Variants in OSBP2 observed in about 807,000 individuals in gnomAD.
The protein encoded by OSBP2 is oxysterol-binding protein 2.
In OSBP2, 66 loss-of-function variants were observed where a neutral mutation model predicts 96.0. The ratio of observed to expected loss-of-function variants is 0.69; its 90% CI spans 0.56 to 0.84. OSBP2 has a LOEUF of 0.84. Among genes scored for constraint, OSBP2 ranks in the 40% least tolerant of loss-of-function variants. The probability of loss-of-function intolerance (pLI) is 0.00; values close to 1 mark genes in which losing one functional copy is unlikely to be tolerated. For missense variants in OSBP2, 1,038 were observed against 1,222.7 expected, an observed-to-expected ratio of 0.85 and a Z score of 2.25; for synonymous variants, 525 against 520.9, an observed-to-expected ratio of 1.01 and a Z score of -0.11.
At chr22:30,813,999 A>T (rs139461805) in intron 2 of OSBP2, among the ~76,000 whole-genome samples, 2,747 of 151,952 alleles carry the variant, frequency 0.018, 78 homozygotes, top group African/African-American at 0.06. Context: ...ATGGGGTTTC[A>T]CTATGTTGAC....
intron 1 of OSBP2, among the ~76,000 whole-genome samples, chr22:30,701,375 G>A (rs1214382825): frequency 7.9e-5 from 10 of 126,328 alleles, no homozygotes; most frequent in Admixed American, 1.1e-4. Context: ...ACAGAGTCTC[G>A]CTCTGTAGCC....
At chr22:30,712,779 C>T (rs1343895985) in intron 1 of OSBP2, among the ~76,000 whole-genome samples, 2 of 152,148 alleles carry the variant, frequency 1.3e-5, no homozygotes, top group African/African-American at 4.8e-5. Flanking sequence ...TCATTATGGA[C>T]ATAACCTCAG....
At chr22:30,693,972 A>G, upstream of OSBP2, 2 of 761,800 alleles carry the variant, frequency 2.6e-6, no homozygotes, top group Non-Finnish European at 3.5e-6. Context: ...CTCAAAAAGG[A>G]AAAAAAAAAA....
intron 1 of OSBP2, among the ~76,000 whole-genome samples, chr22:30,728,757 A>G (rs1282656530): frequency 2.6e-5 from 4 of 152,190 alleles, no homozygotes; most frequent in Admixed American, 2.0e-4. Context: ...ATGGTCTCCC[A>G]AAGTGTTGGG....
At chr22:30,874,368 C>T (rs538221686) in intron 3 of OSBP2, among the ~76,000 whole-genome samples, 138 of 151,984 alleles carry the variant, frequency 9.1e-4, no homozygotes, top group Non-Finnish European at 1.8e-3. Flanking sequence ...GCCAAGATCA[C>T]GCCACTGCAC....
chr22:30,883,365 A>G (rs563047935), intron 3 of OSBP2, among the ~76,000 whole-genome samples: 4 of 152,346 alleles, frequency 2.6e-5, no homozygotes, highest in Admixed American at 2.0e-4. Flanking sequence ...CCCGGGATGC[A>G]GGGGACTTCC....
chr22:30,871,394 G>A lies in OSBP2; in HGVS notation c.1107+712G>A, dbSNP rs1445665331. Reference sequence around the variant, plus strand: ...TGGGGAGTGTTCCCCAGAAGTGTGCGTGCTCCTCCAGGCCTCCACCCTCCA... The same window carrying A: ...TGGGGAGTGTTCCCCAGAAGTGTGCATGCTCCTCCAGGCCTCCACCCTCCA... On this transcript the variant is annotated intron_variant, in intron 3 of 13. Transcript: ENST00000332585. This position sits in a 1 kb window ranked among gnomAD's most constrained non-coding sequence, Gnocchi z 4.7. Among the ~76,000 whole-genome samples, 1 of 152,044 alleles carries A rather than the reference G, an allele frequency of 6.6e-6. No homozygotes were observed. The highest frequency in any genetic ancestry group is 2.4e-5 in the African/African-American group (1 of 41,384).
intron 2 of OSBP2, among the ~76,000 whole-genome samples, chr22:30,776,478 C>T (rs1462051081): frequency 4.6e-5 from 7 of 152,218 alleles, no homozygotes. Flanking sequence ...ATACAGTGTA[C>T]TTCGCTGAAA....
At chr22:30,721,432 A>G (rs1343046146) in intron 1 of OSBP2, among the ~76,000 whole-genome samples, 2 of 152,146 alleles carry the variant, frequency 1.3e-5, no homozygotes, top group Non-Finnish European at 2.9e-5. Flanking sequence ...GCAGGCCCTC[A>G]GTGAATGCTG....
chr22:30,786,419 A>G (rs1003010343), intron 2 of OSBP2, among the ~76,000 whole-genome samples: 5 of 152,110 alleles, frequency 3.3e-5, no homozygotes, highest in Admixed American at 3.3e-4. Flanking sequence ...AGTCATGGAA[A>G]ACAAAAATCA....
chr22:30,887,509 G>A lies in OSBP2; in HGVS notation c.1191G>A (p.Val397=). The part of the protein sequence containing the change: ...RALQYEQEQR[V]HLEETIEQLA... ...TGCAGTATGAGCAGGAGCAGCGCGT[G>A]CACTTGGAGGAAACCATTGAGCAGC... Residue 397 remains valine, a synonymous_variant, in exon 4 of 14, where the codon GTG becomes GTA. Coordinates refer to ENST00000332585, the MANE Select transcript of OSBP2 (RefSeq NM_030758.4). 3 of 1,613,804 alleles carry A rather than the reference G, an allele frequency of 1.9e-6. No homozygotes were observed. The highest frequency in any genetic ancestry group is 2.5e-6 in the Non-Finnish European group (3 of 1,180,024).
Position 30,695,308 on chromosome 22 carries a change from C to G in OSBP2, c.399C>G (p.Ser133Arg), listed in dbSNP as rs751790190. ...ASEPLSRAVG[S>R]ATFLRPESGS... is the part of the protein sequence containing the mutation. ...AGCCGCTCTCCCGGGCGGTGGGGAG[C>G]GCGACCTTTCTCAGACCCGAGTCAG... The change falls in exon 1 of 14, where the codon AGC becomes AGG. Residue 133 changes from serine to arginine, a missense_variant. By Grantham distance (110) the Ser-to-Arg change is moderately radical. Around this residue, in one of 3 missense-constraint regions of OSBP2, gnomAD observed 281 missense variants for 273.4 expected, o/e 1.03. Coordinates refer to ENST00000332585, the MANE Select transcript of OSBP2 (RefSeq NM_030758.4). 1.2e-6 allele frequency: 2 copies of G among 1,613,428 alleles called. No individual in the cohort carries two copies. The highest frequency in any genetic ancestry group is 1.7e-6 in the Non-Finnish European group (2 of 1,180,034).
chr22:30,890,845 G>GC lies in OSBP2; in HGVS notation c.1743dup (p.Ala582ArgfsTer41). 1.2e-6 allele frequency: 2 copies of GC among 1,613,738 alleles called. No homozygotes were observed. Among genetic ancestry groups the GC allele is most frequent in the Non-Finnish European group, 1.7e-6 (2 of 1,180,026 alleles). On this transcript the variant is annotated frameshift_variant, in exon 8 of 14. Transcript: ENST00000332585. LOFTEE classifies it high-confidence loss of function. The surrounding 1 kb of genome is among the most constrained non-coding windows in gnomAD (Gnocchi z 4.4). The stretch of plus-strand genomic sequence containing the variant: ...CTCAGTGGAGCAGATGTGCCTGGTG[G>GC]CCGCCTTCTCTGTGTCCTCCTACTC...
intron 2 of OSBP2, among the ~76,000 whole-genome samples, chr22:30,824,244 A>G (rs1296421135): frequency 6.6e-6 from 1 of 152,176 alleles, no homozygotes; most frequent in Admixed American, 6.5e-5. Flanking sequence ...CTGCACAGCA[A>G]GCCTGGGGAG....
chr22:30,740,003 G>C (rs1038705768), intron 1 of OSBP2, among the ~76,000 whole-genome samples: 1 of 152,024 alleles, frequency 6.6e-6, no homozygotes, highest in African/African-American at 2.4e-5. Context: ...GAGCCACCAC[G>C]CCCAGCTAAT....
In OSBP2 at chr22:30,819,677, AGT is replaced by A. The variant is rs150833287; in HGVS notation, c.854-50743_854-50742del. Reference sequence around the variant, plus strand: ...AAATGATTACATAGAAAAGAGAAATAGTGTGTGTGTTTGCTTTAGTGGGACCA... The same window carrying A: ...AAATGATTACATAGAAAAGAGAAATAGTGTGTGTTTGCTTTAGTGGGACCA... On this transcript the variant is annotated intron_variant, in intron 2 of 13. Coordinates refer to ENST00000332585, the MANE Select transcript of OSBP2 (RefSeq NM_030758.4). 9.6e-3 allele frequency among the ~76,000 whole-genome samples: 1,464 copies of A among 152,266 alleles called. 17 individuals carry two copies. Among genetic ancestry groups the A allele is most frequent in the African/African-American group, 0.03 (1,261 of 41,516 alleles).
rs149748837 is a variant in OSBP2 at position 30,764,779 on chromosome 22, C to T, written c.853+23410C>T. Among the ~76,000 whole-genome samples, 916 of 152,296 alleles carry T rather than the reference C, an allele frequency of 6.0e-3. 2 individuals carry two copies. Among genetic ancestry groups the T allele is most frequent in the Admixed American group, 0.011 (173 of 15,292 alleles). Reference sequence around the variant, plus strand: ...TGCATTCAAGCTATTGACCCTCAGACCCCTCAGTCCTGAGGAGGAGAGAAG... The same window carrying T: ...TGCATTCAAGCTATTGACCCTCAGATCCCTCAGTCCTGAGGAGGAGAGAAG... On this transcript the variant is annotated intron_variant, in intron 2 of 13. Coordinates refer to ENST00000332585, the MANE Select transcript of OSBP2 (RefSeq NM_030758.4).
At chr22:30,850,028 C>T (rs540052932) in intron 2 of OSBP2, among the ~76,000 whole-genome samples, 5 of 152,012 alleles carry the variant, frequency 3.3e-5, no homozygotes, top group East Asian at 3.9e-4. Context: ...TCAGGCTGGG[C>T]GTGGTGGCTC....
At chr22:30,757,158 CG>C (rs2090151691) in intron 2 of OSBP2, among the ~76,000 whole-genome samples, 1 of 152,124 alleles carries the variant, frequency 6.6e-6, no homozygotes, top group African/African-American at 2.4e-5. Context: ...CTCCCAGGGA[CG>C]TCCTTGCTAC....
Sources: allele counts gnomAD v4.1 joint callset (sites outside exome capture counted in the v4.1 genomes callset), GRCh38; gene constraint gnomAD v4.1.1; regional missense constraint gnomAD v4.1.1; non-coding constraint Gnocchi (gnomAD v3.1); transcripts MANE v1.5; gene names NCBI Gene and HGNC (gene_info 2026-07-23, HGNC 2026-07-21).